The following GCH1 variants were observed in gnomAD, a reference collection of about 807,000 sequenced individuals.
GCH1 encodes the protein GTP cyclohydrolase 1, also known as GTP cyclohydrolase I.
A neutral mutation model predicts 25.9 loss-of-function variants in GCH1; 5 were observed. The ratio of observed to expected loss-of-function variants is 0.19; its 90% CI spans 0.10 to 0.41. The LOEUF (loss-of-function observed/expected upper bound fraction) is 0.41. GCH1 is among the 10% of genes least tolerant of loss of function. The pLI, the probability that GCH1 is intolerant of heterozygous loss-of-function variation, is 1.00. For missense variants in GCH1, 261 were observed against 336.5 expected (o/e 0.78, Z 1.75); for synonymous variants, 159 against 129.6 (o/e 1.23, Z -1.54).
chr14:54,870,094 A>G (rs988746439), intron 1 of GCH1, among the ~76,000 whole-genome samples: 2 of 152,314 alleles, frequency 1.3e-5, no homozygotes, highest in Admixed American at 1.3e-4. Flanking sequence ...TCCTATCTTC[A>G]CTGTATGGGT....
At chr14:54,884,334 A>T (rs932975666) in intron 1 of GCH1, among the ~76,000 whole-genome samples, 8 of 152,220 alleles carry the variant, frequency 5.3e-5, no homozygotes, top group Admixed American at 5.2e-4. Flanking sequence ...TAGAAAGGGA[A>T]AGGAAGAAAA....
intron 1 of GCH1, among the ~76,000 whole-genome samples, chr14:54,874,453 C>T (rs1341240898): frequency 6.6e-6 from 1 of 152,182 alleles, no homozygotes; most frequent in Non-Finnish European, 1.5e-5. Context: ...TGTGCTCTCT[C>T]ACCACTCCTA....
At chr14:54,900,447 G>T (rs2140124344) in intron 1 of GCH1, among the ~76,000 whole-genome samples, 1 of 151,942 alleles carries the variant, frequency 6.6e-6, no homozygotes, top group Admixed American at 6.6e-5. Context: ...CCTGACCTCA[G>T]GTGATCCGCC....
At chr14:54,861,710 C>T (rs1448221578) in intron 2 of GCH1, among the ~76,000 whole-genome samples, 5 of 131,520 alleles carry the variant, frequency 3.8e-5, no homozygotes, top group South Asian at 2.2e-4. Flanking sequence ...GCAACAAGAG[C>T]GAAACTGTCT....
At chr14:54,875,403 A>G (rs966152034) in intron 1 of GCH1, among the ~76,000 whole-genome samples, 3 of 152,238 alleles carry the variant, frequency 2.0e-5, no homozygotes, top group Admixed American at 6.5e-5. Context: ...CATTCAGGAC[A>G]TAGGCATGGG....
intron 1 of GCH1, among the ~76,000 whole-genome samples, chr14:54,901,260 C>A (rs1314823684): frequency 1.3e-5 from 2 of 152,092 alleles, no homozygotes; most frequent in African/African-American, 4.8e-5. Flanking sequence ...AAACAGTGAA[C>A]GGTAGAATGC....
intron 2 of GCH1, among the ~76,000 whole-genome samples, chr14:54,860,028 C>T (rs2039870913): frequency 6.6e-6 from 1 of 152,118 alleles, no homozygotes; most frequent in Admixed American, 6.5e-5. Flanking sequence ...TTCCAGGACC[C>T]CTGTGTATAC....
chr14:54,881,855 G>C (rs1309257946), intron 1 of GCH1, among the ~76,000 whole-genome samples: 2 of 152,178 alleles, frequency 1.3e-5, no homozygotes, highest in African/African-American at 4.8e-5. Flanking sequence ...TATTGAAATA[G>C]ATGTTCTCAG....
Position 54,902,286 on chromosome 14 carries a change from G to A in GCH1, c.343+35C>T, listed in dbSNP as rs1566687129. On this transcript the variant is annotated intron_variant, in intron 1 of 5. Transcript: ENST00000491895. ...GTTTCCTGCAAGCACCGCCCCCGCC[G>A]CCCGCACGCTCTAGCAGCCCGCGGG... 3.1e-6 allele frequency: 5 copies of A among 1,604,468 alleles called. No individual in the cohort carries two copies. The East Asian group carries it at 1.1e-4, about 36-fold the overall frequency.
intron 1 of GCH1, among the ~76,000 whole-genome samples, chr14:54,868,014 C>A (rs2040013675): frequency 6.6e-6 from 1 of 152,150 alleles, no homozygotes; most frequent in East Asian, 1.9e-4. Flanking sequence ...TGATAGGACA[C>A]CATGAGAAGG....
Position 54,862,922 on chromosome 14 carries a change from G to C in GCH1, c.453+2405C>G, listed in dbSNP as rs77808589. Among the ~76,000 whole-genome samples, 648 of 152,148 alleles carry C rather than the reference G, an allele frequency of 4.3e-3. 2 individuals are homozygous for C. The highest frequency in any genetic ancestry group is 0.024 in the Middle Eastern group (7 of 294). ...TCAGTAGAGAATGTTATGGGTGGGA[G>C]CACTATTTTAGAACAAAAGGGACTT... On this transcript the variant is annotated intron_variant, in intron 2 of 5. Transcript: ENST00000491895.
intron 3 of GCH1, among the ~76,000 whole-genome samples, 196 bp downstream of exon 3, chr14:54,859,485 G>A (rs764620613): frequency 6.6e-6 from 1 of 152,174 alleles, no homozygotes; most frequent in East Asian, 1.9e-4. Flanking sequence ...GGTGGGAAGT[G>A]GAAGAGGAAG....
chr14:54,882,610 G>A (rs2040287122), intron 1 of GCH1, among the ~76,000 whole-genome samples: 1 of 151,800 alleles, frequency 6.6e-6, no homozygotes, highest in South Asian at 2.1e-4. Context: ...CTGTTAAACC[G>A]AAAATGGAAT....
chr14:54,902,012 G>C (rs2040573162), intron 1 of GCH1, among the ~76,000 whole-genome samples: 1 of 152,170 alleles, frequency 6.6e-6, no homozygotes, highest in African/African-American at 2.4e-5. Flanking sequence ...AGGCGAGAGG[G>C]CTCCGGGCTC....
At chr14:54,882,667 C>T (rs530023959) in intron 1 of GCH1, among the ~76,000 whole-genome samples, 3 of 151,562 alleles carry the variant, frequency 2.0e-5, no homozygotes, top group African/African-American at 7.3e-5. Context: ...AGCAGTTCTA[C>T]AGAAAAAAAA....
chr14:54,862,766 C>T (rs1232225230), intron 2 of GCH1, among the ~76,000 whole-genome samples: 1 of 151,672 alleles, frequency 6.6e-6, no homozygotes, highest in African/African-American at 2.4e-5. Flanking sequence ...TTACGAACTA[C>T]TTTTATCAGA....
At chr14:54,859,540 C>A in intron 3 of GCH1, 141 bp downstream of exon 3, 1 of 701,232 alleles carries the variant, frequency 1.4e-6, no homozygotes, top group South Asian at 1.5e-5. Context: ...TGTTTCAGAC[C>A]CTCCAAGTCT....
chr14:54,881,551 A>G (rs2040272681), intron 1 of GCH1, among the ~76,000 whole-genome samples: 1 of 152,208 alleles, frequency 6.6e-6, no homozygotes, highest in Non-Finnish European at 1.5e-5. Flanking sequence ...CCAAGACAGA[A>G]TTTGGAAAAC....
rs529018349 is a variant in GCH1 at position 54,890,951 on chromosome 14, AG to A, written c.343+11369del. 2.4e-3 allele frequency among the ~76,000 whole-genome samples: 368 copies of A among 152,328 alleles called. 1 individual carries two copies. The highest frequency in any genetic ancestry group is 3.3e-3 in the Non-Finnish European group (223 of 68,032). On this transcript the variant is annotated intron_variant, in intron 1 of 5. Transcript: ENST00000491895. ...CCTTTACTCCTTGAAGGCCAAGATC[AG>A]GCCAACAATCATCTTTGTTTCCCCT... is the stretch of plus-strand genomic sequence containing the variant.
Sources: gnomAD v4.1 joint callset for allele counts (sites outside exome capture counted in the v4.1 genomes callset) on GRCh38, gnomAD v4.1.1 for gene constraint, MANE v1.5 for transcripts, NCBI Gene and HGNC (gene_info 2026-07-23, HGNC 2026-07-21) for gene names.